CYP2S1: variants seen among roughly 807,000 people sequenced by gnomAD.
CYP2S1 encodes cytochrome P450 2S1.
In CYP2S1, 32 loss-of-function variants were observed where a neutral mutation model predicts 43.5. The observed-to-expected ratio is 0.74, with a 90% CI of 0.56 to 0.99. CYP2S1 has a LOEUF of 0.99. CYP2S1 is among the 50% of genes least tolerant of loss of function. The probability of loss-of-function intolerance (pLI) is 0.00; values close to 1 mark genes in which losing one functional copy is unlikely to be tolerated. For synonymous variants in CYP2S1, 283 were observed against 302.9 expected (o/e 0.93, Z 0.68); for missense variants, 575 against 673.9 (o/e 0.85, Z 1.62).
At chr19:41,202,635 G>T (rs2033504325) in intron 6 of CYP2S1, among the ~76,000 whole-genome samples, 1 of 151,354 alleles carries the variant, frequency 6.6e-6, no homozygotes, top group Non-Finnish European at 1.5e-5. Flanking sequence ...ACCGAAAATA[G>T]AAAAATTAGC....
intron 6 of CYP2S1, among the ~76,000 whole-genome samples, chr19:41,201,889 C>A (rs765546085): frequency 1.6e-4 from 25 of 151,976 alleles, no homozygotes; most frequent in Admixed American, 3.3e-4. Context: ...GGCCTCATCG[C>A]CTTAGTGATA....
At chr19:41,205,404 CTT>C (rs1386067149) in intron 7 of CYP2S1, among the ~76,000 whole-genome samples, 6 of 87,248 alleles carry the variant, frequency 6.9e-5, no homozygotes, top group Non-Finnish European at 1.1e-4. Context: ...TTCTTTCTCT[CTT>C]TCTTTCTTTC....
chr19:41,206,139 C>G (rs372837086), intron 8 of CYP2S1, 40 bp downstream of exon 8: 4 of 1,609,600 alleles, frequency 2.5e-6, no homozygotes, highest in Non-Finnish European at 3.4e-6. Flanking sequence ...CAGGTGCTGG[C>G]GAACTCCAGG....
At chr19:41,205,416 C>T (rs1275716349) in intron 7 of CYP2S1, among the ~76,000 whole-genome samples, 1 of 57,580 alleles carries the variant, frequency 1.7e-5, no homozygotes, top group Non-Finnish European at 2.9e-5. Context: ...TTCTTTCTTT[C>T]TTTCTCTCTC....
rs145927103 is a variant in CYP2S1 at position 41,197,871 on chromosome 19, G to A, written c.436G>A (p.Glu146Lys). The A allele has an allele frequency of 2.9e-5, 47 of 1,614,112 alleles. No individual in the cohort carries two copies. The South Asian group carries it at 3.5e-4, about 12-fold the overall frequency. ...RDLGMGKREG[E>K]ELIQAEARCL... is the part of the protein sequence containing the mutation. ...CCTGGGCATGGGGAAGCGAGAAGGC[G>A]AGGAGCTGATCCAGGCGGAGGCCCG... Residue 146 changes from glutamate (E) to lysine (K), a missense_variant, in exon 3 of 9, where the codon GAG (glutamate) becomes AAG (lysine). This residue lies in a region of CYP2S1 where 353 missense variants were observed against 367.6 expected (regional missense o/e 0.96). Transcript: ENST00000310054.
rs1599712942 is a variant in CYP2S1 at position 41,198,070 on chromosome 19, G to A, written c.493+142G>A. 3 of 1,190,944 alleles carry A rather than the reference G, an allele frequency of 2.5e-6. No homozygotes were observed. The highest frequency in any genetic ancestry group is 1.6e-5 in the South Asian group (1 of 62,044). 73.8% of individuals were successfully genotyped at this position (1,190,944 alleles called of 1,614,324 possible). On this transcript the variant is annotated intron_variant, in intron 3 of 8. Transcript: ENST00000310054. This position sits in a 1 kb window ranked among gnomAD's most constrained non-coding sequence, Gnocchi z 4.9. ...ACTCTAGGGCTGGCCTGGGGGTTCTGTTCACTGCCACCTTCTGTCTCTGTC... is the reference window on the plus strand; with the variant it reads ...ACTCTAGGGCTGGCCTGGGGGTTCTATTCACTGCCACCTTCTGTCTCTGTC...
At position 41,198,559 on chromosome 19, in the gene CYP2S1, G is replaced by A. The variant is rs368952757; in HGVS notation, c.591G>A (p.Glu197=). The A allele has an allele frequency of 3.7e-6, 6 of 1,614,180 alleles. No individual in the cohort carries two copies. The South Asian group carries it at 5.5e-5, about 15-fold the overall frequency. The change falls in exon 4 of 9, where the codon GAG becomes GAA. Residue 197 remains glutamate, a synonymous_variant. Coordinates refer to ENST00000310054, the MANE Select transcript of CYP2S1 (RefSeq NM_030622.8). The surrounding 1 kb of genome is among the most constrained non-coding windows in gnomAD (Gnocchi z 4.9). The part of the protein sequence containing the change: ...FGLRFSYEDK[E]FQAVVRAAGG... ...TCCGCTTCTCCTATGAGGATAAGGAGTTCCAGGCCGTGGTCCGGGCAGCTG... is the reference window on the plus strand; with the variant it reads ...TCCGCTTCTCCTATGAGGATAAGGAATTCCAGGCCGTGGTCCGGGCAGCTG...
chr19:41,195,935 G>A (rs2033407398), intron 2 of CYP2S1, among the ~76,000 whole-genome samples: 1 of 151,996 alleles, frequency 6.6e-6, no homozygotes, highest in Non-Finnish European at 1.5e-5. Flanking sequence ...ATGGGTACCA[G>A]GTACATAGAA....
At chr19:41,204,269 T>A (rs1449805888) in intron 7 of CYP2S1, among the ~76,000 whole-genome samples, 3 of 152,124 alleles carry the variant, frequency 2.0e-5, no homozygotes, top group Non-Finnish European at 4.4e-5. Flanking sequence ...CAATTCTACC[T>A]CCTTCCAAGG....
intron 2 of CYP2S1, among the ~76,000 whole-genome samples, chr19:41,195,623 C>A (rs338598): frequency 0.61 from 91,962 of 151,818 alleles, 30,304 homozygotes; most frequent in African/African-American, 0.89. Context: ...GGTGAGGGAG[C>A]TTCAGGAAGT....
Position 41,206,444 on chromosome 19 carries a change from C to T in CYP2S1, c.1471C>T (p.Gln491Ter). The T allele has an allele frequency of 6.2e-7, 1 of 1,614,180 alleles. No individual in the cohort carries two copies. The highest frequency in any genetic ancestry group is 8.5e-7 in the Non-Finnish European group (1 of 1,180,044). ...CAACATTCCCCCAGCCTTCCAGCTG[C>T]AAGTCCGTCCCACTGACCTTCACTC... ...LFNIPPAFQL[Q>*]VRPTDLHSTT... The change falls in exon 9 of 9, where the codon CAA becomes TAA. Residue 491 changes from glutamine (Q) to a stop codon, truncating the protein, a stop_gained. Transcript: ENST00000310054. LOFTEE classifies it low-confidence loss of function (END_TRUNC).
In CYP2S1 at chr19:41,198,693, G is replaced by GC. The variant is rs369215132; in HGVS notation, c.655-13dup. On this transcript the variant is annotated splice_polypyrimidine_tract_variant and intron_variant, in intron 4 of 8. Transcript: ENST00000310054. The surrounding 1 kb of genome is among the most constrained non-coding windows in gnomAD (Gnocchi z 4.9). ...TGCCAAGGTCCCATGAGAACTAGCT[G>GC]CCCTTCTCCCCACAGACCTACGAGA... 1.2e-5 allele frequency: 20 copies of GC among 1,613,520 alleles called. No individual in the cohort carries two copies. In the African/African-American group the frequency reaches 2.4e-4, roughly 19 times the overall value.
chr19:41,193,362 C>A lies in CYP2S1; in HGVS notation c.98C>A (p.Pro33His), dbSNP rs539457724. ...GGGACCAGGGCCCGAGGCCACCTGC[C>A]CCCCGGGCCCACGCCGCTACCACTG... ...LSGTRARGHL[P>H]PGPTPLPLLG... The change falls in exon 1 of 9, where the codon CCC becomes CAC. Residue 33 changes from proline to histidine, a missense_variant. Pro to His is a moderately conservative substitution (Grantham distance 77). Around this residue, in one of 2 missense-constraint regions of CYP2S1, gnomAD observed 353 missense variants for 367.6 expected, o/e 0.96. Coordinates refer to ENST00000310054, the MANE Select transcript of CYP2S1 (RefSeq NM_030622.8). 8.5e-6 allele frequency: 13 copies of A among 1,534,068 alleles called. No homozygotes were observed. The highest frequency in any genetic ancestry group is 5.6e-5 in the African/African-American group (4 of 71,462).
At chr19:41,203,321 G>A in intron 6 of CYP2S1, 129 bp from the exon 7 acceptor site, 1 of 985,710 alleles carries the variant, frequency 1.0e-6, no homozygotes, top group Non-Finnish European at 1.4e-6. Context: ...GCTCAGTGAG[G>A]GCTGGGGGAC....
At chr19:41,199,426 G>T (rs775456088) in intron 5 of CYP2S1, among the ~76,000 whole-genome samples, 1 of 151,494 alleles carries the variant, frequency 6.6e-6, no homozygotes, top group Non-Finnish European at 1.5e-5. Context: ...TGTTGCCCAG[G>T]CTAGAGTACA....
rs1451572051 is a variant in CYP2S1 at position 41,195,990 on chromosome 19, G to A, written c.343+1281G>A. Among the ~76,000 whole-genome samples the A allele has an allele frequency of 3.3e-5, 5 of 152,092 alleles. No homozygotes were observed. In the South Asian group the frequency reaches 6.2e-4, roughly 19 times the overall value. On this transcript the variant is annotated intron_variant, in intron 2 of 8. Transcript: ENST00000310054. Reference sequence around the variant, plus strand: ...TGTCCTCTCCTACTGTGGGAGAGGCGGGCTTATACTGCAGTAAGACAATAG... The same window carrying A: ...TGTCCTCTCCTACTGTGGGAGAGGCAGGCTTATACTGCAGTAAGACAATAG...
Position 41,193,328 on chromosome 19 carries a change from G to A in CYP2S1, c.64G>A (p.Ala22Thr), listed in dbSNP as rs903677745. ...GGCGCTGCTCCTGCTGCTGACGCTGGCGCTGTCCGGGACCAGGGCCCGAGG... is the reference window on the plus strand; with the variant it reads ...GGCGCTGCTCCTGCTGCTGACGCTGACGCTGTCCGGGACCAGGGCCCGAGG... The part of the protein sequence containing the change: ...ALALLLLLTL[A>T]LSGTRARGHL... Residue 22 changes from alanine (A) to threonine (T), a missense_variant, in exon 1 of 9, where the codon GCG becomes ACG. Coordinates refer to ENST00000310054, the MANE Select transcript of CYP2S1 (RefSeq NM_030622.8). 5.8e-6 allele frequency: 9 copies of A among 1,541,104 alleles called. No homozygotes were observed. The highest frequency in any genetic ancestry group is 4.2e-5 in the African/African-American group (3 of 72,086).
intron 7 of CYP2S1, among the ~76,000 whole-genome samples, 177 bp downstream of exon 7, chr19:41,203,814 G>A (rs910273777): frequency 1.3e-5 from 2 of 148,372 alleles, no homozygotes; most frequent in Admixed American, 1.4e-4. Context: ...CTACCCCCCT[G>A]CATCTTTCTT....
At chr19:41,197,212 C>T (rs1040893586) in intron 2 of CYP2S1, among the ~76,000 whole-genome samples, 8 of 151,940 alleles carry the variant, frequency 5.3e-5, no homozygotes, top group African/African-American at 1.9e-4. Flanking sequence ...ATAATAATTA[C>T]AAAACAGAAG....
Sources: gnomAD v4.1 joint callset for allele counts (sites outside exome capture counted in the v4.1 genomes callset) on GRCh38, gnomAD v4.1.1 for gene constraint, gnomAD v4.1.1 regional missense constraint, Gnocchi (gnomAD v3.1) non-coding constraint, MANE v1.5 for transcripts, NCBI Gene and HGNC (gene_info 2026-07-23, HGNC 2026-07-21) for gene names.